GRM8: variants seen among roughly 807,000 people sequenced by gnomAD.
GRM8 encodes the protein glutamate metabotropic receptor 8.
A neutral mutation model predicts 87.2 loss-of-function variants in GRM8; 47 were observed. That is an observed-to-expected ratio of 0.54 (90% confidence interval 0.43 to 0.69). The LOEUF (loss-of-function observed/expected upper bound fraction) is 0.69, where lower values mean the gene tolerates loss of function less well. GRM8 is among the 30% of genes least tolerant of loss of function. The probability of loss-of-function intolerance (pLI) is 0.00; values close to 1 mark genes in which losing one functional copy is unlikely to be tolerated. For synonymous variants in GRM8, 396 were observed against 404.5 expected (o/e 0.98, Z 0.25); for missense variants, 1,019 against 1,139.2 (o/e 0.89, Z 1.52).
chr7:127,175,350 A>G (rs1482241725), intron 2 of GRM8, among the ~76,000 whole-genome samples: 1 of 152,172 alleles, frequency 6.6e-6, no homozygotes, highest in African/African-American at 2.4e-5. Context: ...TATAGTGGAA[A>G]AAACAGAAGA....
At chr7:126,646,843 G>A (rs1443454824) in intron 7 of GRM8, among the ~76,000 whole-genome samples, 1 of 152,092 alleles carries the variant, frequency 6.6e-6, no homozygotes, top group African/African-American at 2.4e-5. Flanking sequence ...AATACTCTTG[G>A]TGTTATTCTT....
At chr7:127,082,986 G>A (rs1473229026) in intron 3 of GRM8, among the ~76,000 whole-genome samples, 1 of 152,078 alleles carries the variant, frequency 6.6e-6, no homozygotes, top group African/African-American at 2.4e-5. Flanking sequence ...ACAACCAAGA[G>A]GAATTCCCTC....
At chr7:126,946,762 T>C (rs1347734520) in intron 3 of GRM8, among the ~76,000 whole-genome samples, 2 of 152,222 alleles carry the variant, frequency 1.3e-5, no homozygotes, top group Non-Finnish European at 2.9e-5. Flanking sequence ...TAAATGCTTA[T>C]TATGTTAAGC....
intron 7 of GRM8, among the ~76,000 whole-genome samples, chr7:126,766,963 G>A (rs1818265081): frequency 6.6e-6 from 1 of 152,142 alleles, no homozygotes; most frequent in Admixed American, 6.6e-5. Flanking sequence ...GCAATGATAT[G>A]TGTGTAAGTC....
At chr7:126,449,791 A>G (rs1802414864) in intron 9 of GRM8, among the ~76,000 whole-genome samples, 1 of 151,848 alleles carries the variant, frequency 6.6e-6, no homozygotes, top group Admixed American at 6.6e-5. Context: ...GATGCTAGCA[A>G]TGATATTGGA....
At chr7:126,926,444 C>G (rs556868590) in intron 3 of GRM8, among the ~76,000 whole-genome samples, 81 of 152,292 alleles carry the variant, frequency 5.3e-4, no homozygotes, top group African/African-American at 1.9e-3. Flanking sequence ...TCTTTCTCCT[C>G]ACTGCCATGG....
chr7:126,641,865 T>G (rs1425049427), intron 7 of GRM8, among the ~76,000 whole-genome samples: 1 of 152,114 alleles, frequency 6.6e-6, no homozygotes, highest in Non-Finnish European at 1.5e-5. Context: ...ACATGTCTCT[T>G]GTGGCAAAAT....
chr7:126,748,602 G>GTT lies in GRM8; in HGVS notation c.1357+21261_1357+21262dup, dbSNP rs35336284. ...ACCAACTAAAATCAGAGCAGGTCGG[G>GTT]TTTTTTTTTTTTTTTTTTTTTGTAA... On this transcript the variant is annotated intron_variant, in intron 7 of 10. Transcript: ENST00000339582. 1.7e-3 allele frequency among the ~76,000 whole-genome samples: 199 copies of GTT among 118,740 alleles called. 3 individuals carry two copies. Among genetic ancestry groups the GTT allele is most frequent in the African/African-American group, 4.8e-3 (153 of 31,814 alleles). The allele number at this position is 118,740 out of a possible 152,430, so 77.9% of individuals were successfully genotyped here. A position where few individuals can be genotyped will look rare whatever the true frequency, so the allele number is the denominator to read the frequency against.
At chr7:126,959,156 CT>C (rs1809051297) in intron 3 of GRM8, among the ~76,000 whole-genome samples, 2 of 152,152 alleles carry the variant, frequency 1.3e-5, no homozygotes, top group Non-Finnish European at 2.9e-5. Context: ...TACACAGGGT[CT>C]TGTGAATCCA....
intron 3 of GRM8, among the ~76,000 whole-genome samples, chr7:126,931,815 T>C (rs1029419329): frequency 2.6e-5 from 4 of 152,206 alleles, no homozygotes; most frequent in African/African-American, 9.7e-5. Context: ...TTGAGTGACA[T>C]CAGCTCACAT....
In GRM8 at chr7:126,740,377, T is replaced by C. The variant is rs567957380; in HGVS notation, c.1357+29488A>G. ...CTTGTATCAAGTCAAATTGAATTGG[T>C]TTGTACAAACAGTACGAAGACAGAA... On this transcript the variant is annotated intron_variant, in intron 7 of 10. Transcript: ENST00000339582. 3.0e-4 allele frequency among the ~76,000 whole-genome samples: 45 copies of C among 152,244 alleles called. No homozygotes were observed. The South Asian group carries it at 9.1e-3, about 31-fold the overall frequency.
At chr7:126,828,345 A>G (rs1795024620) in intron 6 of GRM8, among the ~76,000 whole-genome samples, 1 of 151,182 alleles carries the variant, frequency 6.6e-6, no homozygotes, top group African/African-American at 2.4e-5. Context: ...CTGGTCCTGG[A>G]CTCTTTTTGG....
intron 7 of GRM8, among the ~76,000 whole-genome samples, chr7:126,686,351 C>G (rs1482274045): frequency 6.6e-6 from 1 of 152,164 alleles, no homozygotes; most frequent in Non-Finnish European, 1.5e-5. Flanking sequence ...GTAATAGAAA[C>G]AGGGCTGAAA....
chr7:126,944,121 G>A (rs895606300), intron 3 of GRM8, among the ~76,000 whole-genome samples: 1 of 152,164 alleles, frequency 6.6e-6, no homozygotes, highest in Admixed American at 6.5e-5. Context: ...CAGATGTTAA[G>A]CCTGTCCAGA....
At chr7:126,579,145 T>G (rs184133953) in intron 8 of GRM8, among the ~76,000 whole-genome samples, 26 of 152,292 alleles carry the variant, frequency 1.7e-4, no homozygotes, top group Admixed American at 1.7e-3. Context: ...AAACAAAATA[T>G]TAGAAGTTTG....
At chr7:127,221,737 T>C (rs1796947687) in intron 2 of GRM8, among the ~76,000 whole-genome samples, 1 of 152,190 alleles carries the variant, frequency 6.6e-6, no homozygotes. Context: ...TCCAAGCAAG[T>C]ATACTGGTCC....
chr7:127,068,082 C>A (rs1042104399), intron 3 of GRM8, among the ~76,000 whole-genome samples: 9 of 152,038 alleles, frequency 5.9e-5, no homozygotes, highest in African/African-American at 2.2e-4. Flanking sequence ...ATATGGTGAG[C>A]CTTGAGTTTT....
intron 7 of GRM8, among the ~76,000 whole-genome samples, chr7:126,747,542 TC>T (rs1402435060): frequency 6.6e-6 from 1 of 152,134 alleles, no homozygotes; most frequent in East Asian, 1.9e-4. Flanking sequence ...ACAATGACTC[TC>T]TTTTGCCTAC....
At chr7:127,034,490 A>C (rs1021632951) in intron 3 of GRM8, among the ~76,000 whole-genome samples, 1 of 152,144 alleles carries the variant, frequency 6.6e-6, no homozygotes, top group Non-Finnish European at 1.5e-5. Flanking sequence ...TGCACAAAAA[A>C]CCAACAGTTG....
Sources: gnomAD v4.1 joint callset for allele counts (sites outside exome capture counted in the v4.1 genomes callset) on GRCh38, gnomAD v4.1.1 for gene constraint, MANE v1.5 for transcripts, NCBI Gene and HGNC (gene_info 2026-07-23, HGNC 2026-07-21) for gene names.